The following CACNA1D variants were observed in gnomAD, a reference collection of about 807,000 sequenced individuals.
CACNA1D encodes the protein calcium voltage-gated channel subunit alpha1 D, also known as voltage-dependent L-type calcium channel subunit alpha-1D.
A neutral mutation model predicts 257.1 loss-of-function variants in CACNA1D; 55 were observed. That is an observed-to-expected ratio of 0.21 (90% CI 0.17 to 0.27). The LOEUF (loss-of-function observed/expected upper bound fraction) is 0.27, where lower values mean the gene tolerates loss of function less well. Among genes scored for constraint, CACNA1D ranks in the 10% least tolerant of loss-of-function variants. The probability of loss-of-function intolerance (pLI) is 1.00; values close to 1 mark genes in which losing one functional copy is unlikely to be tolerated. For synonymous variants in CACNA1D, 980 were observed against 1,014.9 expected (o/e 0.97, Z 0.65); for missense variants, 1,876 against 2,784.0 (o/e 0.67, Z 7.34).
chr3:53,726,748 TG>T, intron 14 of CACNA1D, 130 bp from the exon 15 acceptor site: 1 of 992,786 alleles, frequency 1.0e-6, no homozygotes, highest in South Asian at 1.3e-5. Context: ...GGATAACAGA[TG>T]GATTTGTTCA....
intron 29 of CACNA1D, among the ~76,000 whole-genome samples, chr3:53,754,648 G>C (rs2095251159): frequency 6.6e-6 from 1 of 152,156 alleles, no homozygotes; most frequent in African/African-American, 2.4e-5. Flanking sequence ...TAAAAGCCTA[G>C]ACAGAAGAGC....
At chr3:53,808,553 C>T (rs1343559694) in intron 45 of CACNA1D, 96 bp from the exon 46 acceptor site, 4 of 1,453,028 alleles carry the variant, frequency 2.8e-6, no homozygotes, top group Non-Finnish European at 9.6e-7. Context: ...TCTTCCTGGG[C>T]TCGTTGCTGA....
At chr3:53,809,367 T>A (rs576423380) in intron 46 of CACNA1D, 1 of 166,568 alleles carries the variant, frequency 6.0e-6, no homozygotes, top group East Asian at 1.6e-4. Context: ...TCTGAAAATA[T>A]CACATCAGAG....
At chr3:53,688,608 C>A (rs1045085715) in intron 8 of CACNA1D, among the ~76,000 whole-genome samples, 3 of 152,146 alleles carry the variant, frequency 2.0e-5, no homozygotes, top group African/African-American at 7.2e-5. Context: ...CTGGAAAAGT[C>A]ATCTCATTTG....
chr3:53,808,596 T>C (rs2095579418), intron 45 of CACNA1D, 53 bp from the exon 46 acceptor site: 4 of 1,600,600 alleles, frequency 2.5e-6, no homozygotes, highest in Non-Finnish European at 3.4e-6. Flanking sequence ...TGAAAGACGG[T>C]GTCCCGGCAG....
intron 40 of CACNA1D, among the ~76,000 whole-genome samples, chr3:53,798,975 A>G (rs1367982810): frequency 6.6e-6 from 1 of 152,198 alleles, no homozygotes; most frequent in Non-Finnish European, 1.5e-5. Flanking sequence ...TTGTGGAGGA[A>G]GGACAGGGAA....
Position 53,495,955 on chromosome 3 carries a change from C to G in CACNA1D, c.67+722C>G, listed in dbSNP as rs894856357. Among the ~76,000 whole-genome samples, 2 of 152,144 alleles carry G rather than the reference C, an allele frequency of 1.3e-5. No individual in the cohort carries two copies. The highest frequency in any genetic ancestry group is 4.8e-5 in the African/African-American group (2 of 41,466). On this transcript the variant is annotated intron_variant, in intron 1 of 47. Transcript: ENST00000350061. This position sits in a 1 kb window ranked among gnomAD's most constrained non-coding sequence, Gnocchi z 5.1. ...TGGAGCAGCTCCTGGCCAGCCCTCCCCTTTGGAGACCGCCAGTGCCCCCCA... is the reference window on the plus strand; with the variant it reads ...TGGAGCAGCTCCTGGCCAGCCCTCCGCTTTGGAGACCGCCAGTGCCCCCCA...
intron 4 of CACNA1D, among the ~76,000 whole-genome samples, chr3:53,653,545 A>G (rs2094118954): frequency 1.3e-5 from 2 of 152,300 alleles, no homozygotes; most frequent in Middle Eastern, 3.4e-3. Context: ...ACTTTAAGAG[A>G]TGAAAAATAT....
intron 3 of CACNA1D, among the ~76,000 whole-genome samples, chr3:53,538,141 GTTTTTTTTT>G (rs538996336): frequency 4.3e-4 from 39 of 90,456 alleles, no homozygotes; most frequent in African/African-American, 5.4e-4. Context: ...AGTTTTTGAA[GTTTTTTTTT>G]TTTTTTTTTT....
At chr3:53,643,425 C>T (rs549735800) in intron 3 of CACNA1D, among the ~76,000 whole-genome samples, 55 of 152,182 alleles carry the variant, frequency 3.6e-4, no homozygotes, top group African/African-American at 1.2e-3. Flanking sequence ...CCTCCTGAAA[C>T]GTGTAGGGTC....
At chr3:53,575,744 C>T (rs954034183) in intron 3 of CACNA1D, among the ~76,000 whole-genome samples, 2 of 152,058 alleles carry the variant, frequency 1.3e-5, no homozygotes, top group Admixed American at 6.5e-5. Context: ...TTCTACTAGT[C>T]GTGTCCGTTT....
chr3:53,590,012 CCTT>C (rs1423462912), intron 3 of CACNA1D, among the ~76,000 whole-genome samples: 1 of 152,232 alleles, frequency 6.6e-6, no homozygotes, highest in Non-Finnish European at 1.5e-5. Context: ...GGGCTCTCCT[CCTT>C]GGCCAACTTA....
Position 53,751,735 on chromosome 3 carries a change from T to C in CACNA1D, c.3517-14T>C. 3 of 1,614,202 alleles carry C rather than the reference T, an allele frequency of 1.9e-6. No homozygotes were observed. The highest frequency in any genetic ancestry group is 2.5e-6 in the Non-Finnish European group (3 of 1,180,012). On this transcript the variant is annotated splice_polypyrimidine_tract_variant and intron_variant, in intron 27 of 47. Coordinates refer to ENST00000350061, the MANE Select transcript of CACNA1D (RefSeq NM_001128840.3). The surrounding 1 kb of genome is among the most constrained non-coding windows in gnomAD (Gnocchi z 4.3). ...TGCTCAGAACCCCGTTTCTGCCCTT[T>C]TCTGCTGTTGCAGCGTCAGTGTGTT...
intron 7 of CACNA1D, among the ~76,000 whole-genome samples, chr3:53,670,207 T>C (rs1036893634): frequency 5.3e-5 from 8 of 152,190 alleles, no homozygotes; most frequent in Non-Finnish European, 1.0e-4. Flanking sequence ...AGCCGAGGGC[T>C]TGCCTTTTTC....
At chr3:53,639,689 A>G (rs1005890933) in intron 3 of CACNA1D, among the ~76,000 whole-genome samples, 1 of 151,764 alleles carries the variant, frequency 6.6e-6, no homozygotes, top group Non-Finnish European at 1.5e-5. Flanking sequence ...CCCGGCTGAG[A>G]TTTCATTTTT....
intron 7 of CACNA1D, among the ~76,000 whole-genome samples, chr3:53,672,817 TGTA>T (rs2094337992): frequency 9.6e-6 from 1 of 104,510 alleles, no homozygotes; most frequent in Non-Finnish European, 2.0e-5. Context: ...TGTGTGTGTG[TGTA>T]TGGATGCTTG....
rs1034079713 is a variant in CACNA1D at position 53,812,560 on chromosome 3, G to A, written c.*1154G>A. On this transcript the variant is annotated 3_prime_UTR_variant, in exon 48 of 48. Coordinates refer to ENST00000350061, the MANE Select transcript of CACNA1D (RefSeq NM_001128840.3). ...CCACCATGGGTTGCAACTGTCTTTGGTTTTGTTTGTTTGACTTGAACCACC... is the reference window on the plus strand; with the variant it reads ...CCACCATGGGTTGCAACTGTCTTTGATTTTGTTTGTTTGACTTGAACCACC... The A allele has an allele frequency of 2.1e-5, 3 of 143,510 alleles. No individual in the cohort carries two copies. Among genetic ancestry groups the A allele is most frequent in the African/African-American group, 8.2e-5 (3 of 36,582 alleles). The allele number at this position is 143,510 out of a possible 1,614,324, so 8.9% of individuals were successfully genotyped here.
intron 45 of CACNA1D, among the ~76,000 whole-genome samples, chr3:53,805,939 T>TCCTCCCTCATCTTCCCTCCTCCCC (rs1559722501): frequency 5.2e-5 from 1 of 19,336 alleles, no homozygotes; most frequent in Admixed American, 7.3e-4. Flanking sequence ...TCCCTCCTCC[T>TCCTCCCTCATCTTCCCTCCTCCCC]CCTCCCTCAT....
chr3:53,644,154 A>G (rs1183107931), intron 3 of CACNA1D, among the ~76,000 whole-genome samples: 1 of 152,254 alleles, frequency 6.6e-6, no homozygotes, highest in Admixed American at 6.5e-5. Flanking sequence ...TAAAGGAATG[A>G]TAATTTATTA....
Sources: allele counts gnomAD v4.1 joint callset (sites outside exome capture counted in the v4.1 genomes callset), GRCh38; gene constraint gnomAD v4.1.1; non-coding constraint Gnocchi (gnomAD v3.1); transcripts MANE v1.5; gene names NCBI Gene and HGNC (gene_info 2026-07-23, HGNC 2026-07-21).